CDH2: variants seen among roughly 807,000 people sequenced by gnomAD.
CDH2 encodes the protein cadherin 2.
In CDH2, 17 loss-of-function variants were observed where a neutral mutation model predicts 92.0. That is an observed-to-expected ratio of 0.18 (90% CI 0.13 to 0.28). The LOEUF (loss-of-function observed/expected upper bound fraction) is 0.28, where lower values mean the gene tolerates loss of function less well. CDH2 is among the 10% of genes least tolerant of loss of function. The pLI is 1.00. For synonymous variants in CDH2, 419 were observed against 415.9 expected (o/e 1.01, Z -0.09); for missense variants, 862 against 1,133.1 (o/e 0.76, Z 3.44).
chr18:28,017,587 A>T (rs968985266), intron 2 of CDH2, among the ~76,000 whole-genome samples: 2 of 151,772 alleles, frequency 1.3e-5, no homozygotes, highest in African/African-American at 4.8e-5. Context: ...TATCTTTTGT[A>T]TCTTTTTTGG....
intron 2 of CDH2, among the ~76,000 whole-genome samples, chr18:28,118,993 C>G (rs920314003): frequency 6.6e-6 from 1 of 151,976 alleles, no homozygotes; most frequent in Non-Finnish European, 1.5e-5. Context: ...GTCCTATATA[C>G]CACAGAAAAG....
chr18:28,069,266 A>T (rs2014570910), intron 2 of CDH2, among the ~76,000 whole-genome samples: 1 of 152,186 alleles, frequency 6.6e-6, no homozygotes, highest in Non-Finnish European at 1.5e-5. Context: ...GTAGAATTTG[A>T]CATGGTTCTT....
At chr18:28,047,568 C>T (rs2014101120) in intron 2 of CDH2, among the ~76,000 whole-genome samples, 1 of 151,990 alleles carries the variant, frequency 6.6e-6, no homozygotes, top group East Asian at 1.9e-4. Context: ...GAGATTGCTT[C>T]CATATAAAGA....
chr18:27,938,290 C>A (rs1045199082), intron 6 of CDH2, among the ~76,000 whole-genome samples: 2 of 152,108 alleles, frequency 1.3e-5, no homozygotes. Context: ...AATAAATTAC[C>A]CAGTCTCAGG....
At chr18:28,109,348 A>G (rs2015373757) in intron 2 of CDH2, among the ~76,000 whole-genome samples, 1 of 152,214 alleles carries the variant, frequency 6.6e-6, no homozygotes, top group Non-Finnish European at 1.5e-5. Context: ...AAAACATGAA[A>G]TGCCCTCCAA....
At chr18:28,061,527 C>T (rs1326185566) in intron 2 of CDH2, among the ~76,000 whole-genome samples, 1 of 152,142 alleles carries the variant, frequency 6.6e-6, no homozygotes, top group East Asian at 1.9e-4. Flanking sequence ...TGCCTATAAC[C>T]TCAGCTACTT....
intron 2 of CDH2, among the ~76,000 whole-genome samples, chr18:28,047,704 T>G (rs2014105283): frequency 6.6e-6 from 1 of 151,418 alleles, no homozygotes; most frequent in African/African-American, 2.4e-5. Context: ...CCTTCTCTAC[T>G]AAACATAAAA....
In CDH2 at chr18:27,960,033, C is replaced by CACACAA. The variant is rs2011358813; in HGVS notation, c.2514+3323_2514+3324insTTGTGT. Among the ~76,000 whole-genome samples, 3 of 151,736 alleles carry CACACAA rather than the reference C, an allele frequency of 2.0e-5. No homozygotes were observed. The South Asian group carries it at 6.3e-4, about 32-fold the overall frequency. ...CTGTCTCTTAAAACACACACACACA[C>CACACAA]ACACACACACACACAAACACACACT... On this transcript the variant is annotated intron_variant, in intron 15 of 15. Coordinates refer to ENST00000269141, the MANE Select transcript of CDH2 (RefSeq NM_001792.5).
At chr18:28,076,946 T>C (rs1252801837) in intron 2 of CDH2, among the ~76,000 whole-genome samples, 1 of 152,206 alleles carries the variant, frequency 6.6e-6, no homozygotes, top group Non-Finnish European at 1.5e-5. Flanking sequence ...AAATACTCTA[T>C]ATAGTAGCTG....
At chr18:27,949,640 T>G (rs1428480415), downstream of CDH2, among the ~76,000 whole-genome samples, 2 of 151,564 alleles carry the variant, frequency 1.3e-5, no homozygotes, top group Non-Finnish European at 2.9e-5. Context: ...CAAAAGAAAA[T>G]CATTATGGAC....
intron 2 of CDH2, among the ~76,000 whole-genome samples, chr18:28,092,156 C>G (rs2015048717): frequency 1.3e-5 from 2 of 151,936 alleles, no homozygotes; most frequent in South Asian, 4.2e-4. Flanking sequence ...TGTAACACAC[C>G]TACGAACCAA....
intron 1 of CDH2, among the ~76,000 whole-genome samples, chr18:28,151,764 T>C (rs1365675364): frequency 6.6e-6 from 1 of 152,194 alleles, no homozygotes; most frequent in Non-Finnish European, 1.5e-5. Flanking sequence ...GTGAATAACA[T>C]ACATTTCCCT....
At chr18:28,084,397 A>G (rs17463316) in intron 2 of CDH2, among the ~76,000 whole-genome samples, 1 of 152,310 alleles carries the variant, frequency 6.6e-6, no homozygotes, top group Admixed American at 6.5e-5. Context: ...AAAATAGTTA[A>G]GAGTCACCAC....
intron 9 of CDH2, among the ~76,000 whole-genome samples, chr18:27,991,024 A>C (rs1158431683): frequency 6.6e-6 from 1 of 152,104 alleles, no homozygotes; most frequent in African/African-American, 2.4e-5. Flanking sequence ...GGTCTGTAAA[A>C]CCCCCAAATT....
intron 15 of CDH2, among the ~76,000 whole-genome samples, chr18:27,956,508 T>G (rs781679689): frequency 6.6e-6 from 1 of 152,208 alleles, no homozygotes; most frequent in Non-Finnish European, 1.5e-5. Context: ...TACTGTTTCC[T>G]TTACATTCTG....
At chr18:27,993,418 T>G in intron 8 of CDH2, 82 bp downstream of exon 8, 1 of 1,393,818 alleles carries the variant, frequency 7.2e-7, no homozygotes, top group Non-Finnish European at 9.9e-7. Context: ...CCACCTCTAT[T>G]TAACACATTT....
intron 2 of CDH2, among the ~76,000 whole-genome samples, chr18:28,075,413 C>T (rs140919565): frequency 6.6e-6 from 1 of 152,204 alleles, no homozygotes; most frequent in East Asian, 1.9e-4. Flanking sequence ...TTTCCAGGGC[C>T]ACACACCCGA....
In CDH2 at chr18:27,951,832, T is replaced by A; in HGVS notation, c.*321A>T. The A allele has an allele frequency of 3.9e-6, 1 of 255,100 alleles. No individual in the cohort carries two copies. The highest frequency in any genetic ancestry group is 7.7e-6 in the Non-Finnish European group (1 of 129,804). 15.8% of individuals were successfully genotyped at this position (255,100 alleles called of 1,614,324 possible). A position where few individuals can be genotyped will look rare whatever the true frequency, so the allele number is the denominator to read the frequency against. On this transcript the variant is annotated 3_prime_UTR_variant, in exon 16 of 16. Transcript: ENST00000269141. ...GCTCCCACCACAAAATATTTTGTCT[T>A]TTACTTATCGTTTCAGAAATCAGTA...
At chr18:28,130,582 G>C (rs1050096352) in intron 2 of CDH2, among the ~76,000 whole-genome samples, 10 of 152,222 alleles carry the variant, frequency 6.6e-5, no homozygotes, top group African/African-American at 2.4e-4. Context: ...CTGAGATGCA[G>C]AAGACAGAAT....
Sources: allele counts gnomAD v4.1 joint callset (sites outside exome capture counted in the v4.1 genomes callset), GRCh38; gene constraint gnomAD v4.1.1; transcripts MANE v1.5; gene names NCBI Gene and HGNC (gene_info 2026-07-23, HGNC 2026-07-21).